The following PTH2R variants were observed in gnomAD, a reference collection of about 807,000 sequenced individuals.
PTH2R encodes the protein parathyroid hormone 2 receptor.
Under a neutral mutation model 60.3 loss-of-function variants are expected in PTH2R, and 59 were observed. The ratio of observed to expected loss-of-function variants is 0.98; its 90% CI spans 0.79 to 1.22. The LOEUF (loss-of-function observed/expected upper bound fraction) is 1.22. Among genes scored for constraint, PTH2R ranks in the 50% most tolerant of loss-of-function variants. The pLI, the probability that PTH2R is intolerant of heterozygous loss-of-function variation, is 0.00. For synonymous variants in PTH2R, 256 were observed against 243.8 expected, an observed-to-expected ratio of 1.05 and a Z score of -0.47; for missense variants, 749 against 682.6, an observed-to-expected ratio of 1.10 and a Z score of -1.08.
At position 208,460,073 on chromosome 2, in the gene PTH2R, A is replaced by G. The variant is rs1315823652; in HGVS notation, c.981+112A>G. The G allele has an allele frequency of 9.2e-6, 8 of 866,264 alleles. No homozygotes were observed. The African/African-American group carries it at 1.2e-4, about 13-fold the overall frequency. The allele number at this position is 866,264 out of a possible 1,614,324, so 53.7% of individuals were successfully genotyped here. ...TCTACAACAGATCTGAGAAACTGAC[A>G]AGTACAGCAACATCTATTGGGAGAG... On this transcript the variant is annotated intron_variant, in intron 9 of 12. Coordinates refer to ENST00000272847, the MANE Select transcript of PTH2R (RefSeq NM_005048.4).
At chr2:208,462,811 G>A (rs994962827) in intron 9 of PTH2R, among the ~76,000 whole-genome samples, 4 of 152,220 alleles carry the variant, frequency 2.6e-5, no homozygotes, top group African/African-American at 9.7e-5. Context: ...TCTGTGCCAA[G>A]GTTGAGCGTG....
intron 2 of PTH2R, among the ~76,000 whole-genome samples, chr2:208,431,084 T>A (rs1396286102): frequency 6.6e-6 from 1 of 152,224 alleles, no homozygotes; most frequent in Non-Finnish European, 1.5e-5. Flanking sequence ...CTCATACTAC[T>A]CTTTGTGTGT....
intron 11 of PTH2R, 119 bp downstream of exon 11, chr2:208,489,269 G>A (rs1256737294): frequency 7.7e-7 from 1 of 1,301,316 alleles, no homozygotes; most frequent in Non-Finnish European, 1.1e-6. Flanking sequence ...TGGGGAGTTG[G>A]GGGGTGCAGA....
Position 208,444,867 on chromosome 2 carries a change from G to T in PTH2R, c.833G>T (p.Gly278Val), listed in dbSNP as rs141069363. 6.2e-7 allele frequency: 1 copy of T among 1,613,244 alleles called. No homozygotes were observed. Among genetic ancestry groups the T allele is most frequent in the Non-Finnish European group, 8.5e-7 (1 of 1,179,566 alleles). Residue 278 changes from glycine (G) to valine (V), a missense_variant, in exon 7 of 13, where the codon GGC becomes GTC. Transcript: ENST00000272847. ...TTTTCGGACACCAAATACCTGTGGG[G>T]CTTCATCTTGATAGGCTGGGGTAAG... ...AFFSDTKYLW[G>V]FILIGWGFPA...
intron 1 of PTH2R, among the ~76,000 whole-genome samples, chr2:208,416,189 A>C (rs1258709519): frequency 6.6e-6 from 1 of 152,150 alleles, no homozygotes; most frequent in Non-Finnish European, 1.5e-5. Flanking sequence ...TGAGAAAATG[A>C]CTAATTTAGT....
intron 1 of PTH2R, among the ~76,000 whole-genome samples, chr2:208,413,946 GT>G (rs1377363233): frequency 1.3e-5 from 2 of 152,114 alleles, no homozygotes; most frequent in East Asian, 3.9e-4. Context: ...GGGAGGGAGA[GT>G]TTTTGTGTTT....
intron 9 of PTH2R, among the ~76,000 whole-genome samples, chr2:208,468,971 G>A (rs1265156068): frequency 1.3e-5 from 2 of 152,200 alleles, no homozygotes. Flanking sequence ...AAGAGGCAAA[G>A]TAAGAGCACA....
chr2:208,412,625 A>G (rs1019969883), intron 1 of PTH2R, among the ~76,000 whole-genome samples: 3 of 152,218 alleles, frequency 2.0e-5, no homozygotes, highest in Non-Finnish European at 4.4e-5. Context: ...ACTGGGAGAT[A>G]GGACACCTGG....
At chr2:208,478,637 G>C (rs1330215250) in intron 9 of PTH2R, among the ~76,000 whole-genome samples, 1 of 152,008 alleles carries the variant, frequency 6.6e-6, no homozygotes, top group Non-Finnish European at 1.5e-5. Context: ...TTAAAATTTG[G>C]TTATATTTTA....
intron 8 of PTH2R, among the ~76,000 whole-genome samples, chr2:208,456,941 T>G (rs1702527338): frequency 6.6e-6 from 1 of 152,196 alleles, no homozygotes; most frequent in Admixed American, 6.5e-5. Flanking sequence ...AGACAAGTTT[T>G]TCATGTTTTT....
At chr2:208,364,013 T>G (rs1229908770) in intron 1 of PTH2R, among the ~76,000 whole-genome samples, 1 of 152,222 alleles carries the variant, frequency 6.6e-6, no homozygotes, top group Non-Finnish European at 1.5e-5. Flanking sequence ...TTTAGTTTAG[T>G]TAGGTACTAC....
intron 1 of PTH2R, among the ~76,000 whole-genome samples, chr2:208,408,383 T>G (rs1701461894): frequency 6.6e-6 from 1 of 152,148 alleles, no homozygotes; most frequent in African/African-American, 2.4e-5. Flanking sequence ...CTACTATACT[T>G]CCTACATTTT....
chr2:208,459,875 G>C lies in PTH2R; in HGVS notation c.915-20G>C, dbSNP rs1018704139. 1.2e-6 allele frequency: 2 copies of C among 1,610,222 alleles called. No homozygotes were observed. Among genetic ancestry groups the C allele is most frequent in the African/African-American group, 1.3e-5 (1 of 74,726 alleles). ...TTGCTTTGCCAATTTATTCATGACA[G>C]CTTTTTTTCAATGTCTCAGGTGCTG... is the stretch of plus-strand genomic sequence containing the variant. On this transcript the variant is annotated intron_variant, in intron 8 of 12. Coordinates refer to ENST00000272847, the MANE Select transcript of PTH2R (RefSeq NM_005048.4).
intron 8 of PTH2R, among the ~76,000 whole-genome samples, chr2:208,451,853 A>G (rs1256101460): frequency 6.6e-6 from 1 of 152,228 alleles, no homozygotes; most frequent in Non-Finnish European, 1.5e-5. Flanking sequence ...ATTTTAATGT[A>G]TCATGGTACA....
intron 2 of PTH2R, among the ~76,000 whole-genome samples, chr2:208,434,189 C>T (rs1026364271): frequency 6.6e-6 from 1 of 152,120 alleles, no homozygotes; most frequent in African/African-American, 2.4e-5. Flanking sequence ...TGGCGGGTGC[C>T]TGTAGTCCCA....
At chr2:208,381,650 T>C (rs1484603817) in intron 1 of PTH2R, among the ~76,000 whole-genome samples, 1 of 152,014 alleles carries the variant, frequency 6.6e-6, no homozygotes. Flanking sequence ...TCTGAAAGAG[T>C]AATACAACAA....
upstream of PTH2R, among the ~76,000 whole-genome samples, chr2:208,405,915 C>A (rs1701393957): frequency 6.6e-6 from 1 of 152,216 alleles, no homozygotes; most frequent in African/African-American, 2.4e-5. Flanking sequence ...TTATCAGACA[C>A]TGAATCTGCC....
Position 208,489,103 on chromosome 2 carries a change from G to A in PTH2R, c.1168G>A (p.Gly390Arg), listed in dbSNP as rs776936901. ...VCLPHSFTGL[G>R]WEIRMHCELF... ...CCTGCCTCACTCCTTCACTGGGCTC[G>A]GGTGGGAGATCCGCATGCACTGTGA... The change falls in exon 11 of 13, where the codon GGG becomes AGG. Residue 390 changes from glycine to arginine, a missense_variant. Coordinates refer to ENST00000272847, the MANE Select transcript of PTH2R (RefSeq NM_005048.4). 3.0e-5 allele frequency: 48 copies of A among 1,614,094 alleles called. No individual in the cohort carries two copies. Among genetic ancestry groups the A allele is most frequent in the Middle Eastern group, 1.6e-4 (1 of 6,062 alleles).
intron 1 of PTH2R, among the ~76,000 whole-genome samples, chr2:208,421,589 G>T (rs184576739): frequency 1.3e-4 from 20 of 152,030 alleles, no homozygotes; most frequent in African/African-American, 4.8e-4. Flanking sequence ...TTTTAAAGCA[G>T]TATTACAGAC....
Sources: gnomAD v4.1 joint callset for allele counts (sites outside exome capture counted in the v4.1 genomes callset) on GRCh38, gnomAD v4.1.1 for gene constraint, MANE v1.5 for transcripts, NCBI Gene and HGNC (gene_info 2026-07-23, HGNC 2026-07-21) for gene names.